Variants in AKR1C8 observed in about 807,000 individuals in gnomAD.
AKR1C8 encodes the protein aldo-keto reductase family 1 member C-like protein 1.
chr10:5,184,861 C>T, the AKR1C8 span: 28 of 296,766 alleles, frequency 9.4e-5, no homozygotes, highest in Admixed American at 3.4e-4. Flanking sequence ...TCTCTGTGAC[C>T]TTGAGAGGAG....
At chr10:5,165,956 C>T in the AKR1C8 span, among the ~76,000 whole-genome samples, 19 of 152,220 alleles carry the variant, frequency 1.2e-4, no homozygotes, top group Admixed American at 1.1e-3. Flanking sequence ...GTGACACTTG[C>T]ATCCATGGGT....
the AKR1C8 span, among the ~76,000 whole-genome samples, chr10:5,173,119 C>T: frequency 6.6e-6 from 1 of 152,016 alleles, no homozygotes; most frequent in Non-Finnish European, 1.5e-5. Flanking sequence ...CCCAGGGAGT[C>T]CCAGGCTACC....
chr10:5,143,309 C>A, the AKR1C8 span, among the ~76,000 whole-genome samples: 4 of 152,172 alleles, frequency 2.6e-5, no homozygotes, highest in Non-Finnish European at 5.9e-5. Flanking sequence ...GATCTTTGAA[C>A]TTGTTCACGA....
At chr10:5,127,281 C>A in the AKR1C8 span, among the ~76,000 whole-genome samples, 2 of 151,686 alleles carry the variant, frequency 1.3e-5, no homozygotes, top group African/African-American at 2.4e-5. Context: ...CAAAGAAAAA[C>A]CAATCAGAAC....
At chr10:5,147,861 A>C in the AKR1C8 span, among the ~76,000 whole-genome samples, 1 of 152,118 alleles carries the variant, frequency 6.6e-6, no homozygotes. Context: ...CCACATCTCC[A>C]CTAGGTAGAA....
the AKR1C8 span, among the ~76,000 whole-genome samples, chr10:5,139,839 T>C: frequency 1.3e-5 from 2 of 152,068 alleles, no homozygotes; most frequent in Non-Finnish European, 2.9e-5. Context: ...CAAAAGGAAC[T>C]ACCATCAGAG....
chr10:5,173,264 T>C, the AKR1C8 span, among the ~76,000 whole-genome samples: 1 of 152,136 alleles, frequency 6.6e-6, no homozygotes, highest in Non-Finnish European at 1.5e-5. Context: ...TAAAAGCCTT[T>C]TGAATATACT....
chr10:5,132,601 C>T, the AKR1C8 span: 21 of 1,566,638 alleles, frequency 1.3e-5, no homozygotes, highest in Non-Finnish European at 1.7e-5. Flanking sequence ...AGGCACAGTA[C>T]CTTTGAAGTG....
the AKR1C8 span, among the ~76,000 whole-genome samples, chr10:5,130,693 A>G: frequency 2.6e-5 from 4 of 151,996 alleles, no homozygotes; most frequent in East Asian, 7.7e-4. Context: ...ATAAAATAAA[A>G]TAAAATCCCT....
the AKR1C8 span, among the ~76,000 whole-genome samples, chr10:5,124,923 T>C: frequency 4.6e-5 from 7 of 152,228 alleles, no homozygotes; most frequent in African/African-American, 1.7e-4. Flanking sequence ...TCCAAAAATG[T>C]TTAACCTCGA....
the AKR1C8 span, among the ~76,000 whole-genome samples, chr10:5,134,694 A>G: frequency 1.3e-5 from 2 of 152,106 alleles, no homozygotes; most frequent in African/African-American, 2.4e-5. Flanking sequence ...TACTCTCCCT[A>G]AGAGTTTTCA....
At chr10:5,170,186 G>A in the AKR1C8 span, among the ~76,000 whole-genome samples, 44 of 152,096 alleles carry the variant, frequency 2.9e-4, no homozygotes, top group Middle Eastern at 6.8e-3. Context: ...TCTGGTTTTC[G>A]GTTTACAGGA....
chr10:5,159,349 G>A, the AKR1C8 span, among the ~76,000 whole-genome samples: 159 of 152,286 alleles, frequency 1.0e-3, no homozygotes, highest in Non-Finnish European at 1.8e-3. Context: ...AGGAAGTGAT[G>A]TGGAAATCTT....
At chr10:5,161,953 C>G in the AKR1C8 span, 1 of 533,526 alleles carries the variant, frequency 1.9e-6, no homozygotes, top group Non-Finnish European at 3.8e-6. Context: ...CAATTCTGCC[C>G]GAAAGAAAGT....
the AKR1C8 span, among the ~76,000 whole-genome samples, chr10:5,129,621 A>G: frequency 6.6e-6 from 1 of 152,068 alleles, no homozygotes; most frequent in Non-Finnish European, 1.5e-5. Context: ...ACAAAAAATC[A>G]TTCAAGACAA....
At chr10:5,166,062 AAAG>A in the AKR1C8 span, among the ~76,000 whole-genome samples, 1 of 152,072 alleles carries the variant, frequency 6.6e-6, no homozygotes, top group African/African-American at 2.4e-5. Context: ...GTCACTCTAA[AAAG>A]AAGAAAGAGA....
chr10:5,158,683 C>T, the AKR1C8 span: 1 of 491,350 alleles, frequency 2.0e-6, no homozygotes, highest in South Asian at 1.5e-5. Context: ...GGAGTTTGCT[C>T]TGGTTGAGGT....
At chr10:5,119,608 T>C in the AKR1C8 span, among the ~76,000 whole-genome samples, 1 of 152,184 alleles carries the variant, frequency 6.6e-6, no homozygotes, top group Non-Finnish European at 1.5e-5. Flanking sequence ...CATCCTCATA[T>C]TCAAATCTTT....
chr10:5,185,149 G>T, the AKR1C8 span: 3 of 532,902 alleles, frequency 5.6e-6, no homozygotes, highest in Admixed American at 1.9e-5. Context: ...TGACAGCCCA[G>T]TAGGAGACAA....
Sources: allele counts gnomAD v4.1 joint callset (sites outside exome capture counted in the v4.1 genomes callset), GRCh38; gene constraint gnomAD v4.1.1; transcripts MANE v1.5; gene names NCBI Gene and HGNC (gene_info 2026-07-23, HGNC 2026-07-21).